Variants in CTSZ observed in about 807,000 individuals in gnomAD.
CTSZ encodes carboxypeptidase LB.
Under a neutral mutation model 32.4 loss-of-function variants are expected in CTSZ, and 39 were observed. That is an observed-to-expected ratio of 1.20 (90% CI 0.93 to 1.57). CTSZ has a LOEUF of 1.57. Among genes scored for constraint, CTSZ ranks in the 40% most tolerant of loss-of-function variants. The pLI is 0.00. For synonymous variants in CTSZ, 168 were observed against 170.1 expected (o/e 0.99, Z 0.10); for missense variants, 397 against 419.6 (o/e 0.95, Z 0.47).
intron 3 of CTSZ, among the ~76,000 whole-genome samples, chr20:58,998,857 C>A (rs2091874925): frequency 6.6e-6 from 1 of 152,236 alleles, no homozygotes; most frequent in Admixed American, 6.5e-5. Flanking sequence ...AGTTACACAT[C>A]TGTCGGGATT....
At chr20:58,996,535 C>G in intron 5 of CTSZ, 104 bp downstream of exon 5, 1 of 1,279,340 alleles carries the variant, frequency 7.8e-7, no homozygotes, top group Non-Finnish European at 1.1e-6. Context: ...AACCCTCTGT[C>G]AAGGCCCCAG....
chr20:58,997,496 C>T (rs1406823197), intron 4 of CTSZ, 107 bp downstream of exon 4: 1 of 1,165,506 alleles, frequency 8.6e-7, no homozygotes, highest in Non-Finnish European at 1.1e-6. Flanking sequence ...CATGAGCCCA[C>T]ACTGGCGCTG....
Position 59,001,650 on chromosome 20 carries a change from ACAGTCAG to A in CTSZ, c.308-13_308-7del. Reference sequence around the variant, plus strand: ...CCTCTTGATGTTGATCCGATCTGCAACAGTCAGCACCTGCCAGTCAGCACTCACCCAC... The same window carrying A: ...CCTCTTGATGTTGATCCGATCTGCAACACCTGCCAGTCAGCACTCACCCAC... On this transcript the variant is annotated splice_polypyrimidine_tract_variant and splice_region_variant and intron_variant, in intron 2 of 5. Coordinates refer to ENST00000217131, the MANE Select transcript of CTSZ (RefSeq NM_001336.4). 6.2e-7 allele frequency: 1 copy of A among 1,611,464 alleles called. No individual in the cohort carries two copies. The highest frequency in any genetic ancestry group is 1.1e-5 in the South Asian group (1 of 90,950).
At chr20:59,003,268 C>A (rs530943409) in intron 2 of CTSZ, among the ~76,000 whole-genome samples, 43 of 152,332 alleles carry the variant, frequency 2.8e-4, no homozygotes, top group African/African-American at 9.4e-4. Context: ...GATGGATGAG[C>A]AGTTTCGGTT....
rs958207721 is a variant in CTSZ, at chr20:59,002,290, C to T, written c.308-646G>A. 4.6e-5 allele frequency among the ~76,000 whole-genome samples: 7 copies of T among 152,120 alleles called. No individual in the cohort carries two copies. The highest frequency in any genetic ancestry group is 8.8e-5 in the Non-Finnish European group (6 of 67,976). ...GCCAGGGACAGCTCAGGGTGGTCAC[C>T]GAGGGACCTGCTTCCCTTCCCATGC... On this transcript the variant is annotated intron_variant, in intron 2 of 5. Transcript: ENST00000217131. The surrounding 1 kb of genome is among the most constrained non-coding windows in gnomAD (Gnocchi z 4.1).
In CTSZ at chr20:58,997,462, C is replaced by T. The variant is rs375260255; in HGVS notation, c.638+141G>A. The T allele has an allele frequency of 4.1e-5, 30 of 729,492 alleles. 1 individual carries two copies. Among genetic ancestry groups the T allele is most frequent in the African/African-American group, 2.7e-4 (15 of 54,680 alleles). The allele number at this position is 729,492 out of a possible 1,614,324, so 45.2% of individuals were successfully genotyped here. On this transcript the variant is annotated intron_variant, in intron 4 of 5. Transcript: ENST00000217131. ...CGGCCAGAAGGAAAGTGGCGAAGGACGGAGATGCCTACATGAGCACCGACA... is the reference window on the plus strand; with the variant it reads ...CGGCCAGAAGGAAAGTGGCGAAGGATGGAGATGCCTACATGAGCACCGACA...
intron 3 of CTSZ, 40 bp from the exon 4 acceptor site, chr20:58,997,793 T>C (rs1367293607): frequency 7.8e-6 from 12 of 1,533,886 alleles, no homozygotes; most frequent in Non-Finnish European, 1.1e-5. Flanking sequence ...GGCCGTCTCC[T>C]CATCAACCCA....
intron 5 of CTSZ, 132 bp downstream of exon 5, chr20:58,996,507 G>T: frequency 1.0e-6 from 1 of 957,710 alleles, no homozygotes; most frequent in East Asian, 2.4e-5. Flanking sequence ...CGCGGTGGCT[G>T]AGACAGCTGG....
In CTSZ at chr20:59,000,081, C is replaced by G. The variant is rs28641769; in HGVS notation, c.487+1384G>C. 9.9e-5 allele frequency among the ~76,000 whole-genome samples: 2 copies of G among 20,168 alleles called. 1 individual carries two copies. Among genetic ancestry groups the G allele is most frequent in the Admixed American group, 8.4e-4 (2 of 2,386 alleles). The allele number at this position is 20,168 out of a possible 152,430, so 13.2% of individuals were successfully genotyped here. Reference sequence around the variant, plus strand: ...GAGACTCCGTCTCAAAAAAAAAAAACAAACTACCAGTTATGGCCGGGCGCA... The same window carrying G: ...GAGACTCCGTCTCAAAAAAAAAAAAGAAACTACCAGTTATGGCCGGGCGCA... On this transcript the variant is annotated intron_variant, in intron 3 of 5. Coordinates refer to ENST00000217131, the MANE Select transcript of CTSZ (RefSeq NM_001336.4).
At chr20:59,001,358 A>T in intron 3 of CTSZ, 107 bp downstream of exon 3, 1 of 1,306,348 alleles carries the variant, frequency 7.7e-7, no homozygotes, top group Non-Finnish European at 1.0e-6. Flanking sequence ...CCCAGCCACC[A>T]GCCAATGTGA....
rs139184601 is a variant in CTSZ at position 59,003,736 on chromosome 20, G to A, written c.308-2092C>T. Among the ~76,000 whole-genome samples, 559 of 152,282 alleles carry A rather than the reference G, an allele frequency of 3.7e-3. 2 individuals carry two copies. Among genetic ancestry groups the A allele is most frequent in the African/African-American group, 0.013 (521 of 41,562 alleles). Reference sequence around the variant, plus strand: ...GCCATGGGACCTCAGGGAGAGAGGAGGTGCCTGGTGGGAGAAGCTACCTCC... The same window carrying A: ...GCCATGGGACCTCAGGGAGAGAGGAAGTGCCTGGTGGGAGAAGCTACCTCC... On this transcript the variant is annotated intron_variant, in intron 2 of 5. Transcript: ENST00000217131.
At chr20:59,005,595 A>G (rs1231220557) in intron 2 of CTSZ, among the ~76,000 whole-genome samples, 2 of 152,156 alleles carry the variant, frequency 1.3e-5, no homozygotes, top group African/African-American at 4.8e-5. Context: ...CAACAGCACC[A>G]CAGTGCTCAT....
intron 2 of CTSZ, among the ~76,000 whole-genome samples, chr20:59,003,290 G>A (rs927109437): frequency 2.0e-5 from 3 of 152,160 alleles, no homozygotes; most frequent in South Asian, 2.1e-4. Flanking sequence ...TGGCCTCTCC[G>A]TCTACTCCTG....
In CTSZ at chr20:59,004,220, T is replaced by G. The variant is rs1230215567; in HGVS notation, c.307+2102A>C. 6.6e-6 allele frequency among the ~76,000 whole-genome samples: 1 copy of G among 151,508 alleles called. No homozygotes were observed. Among genetic ancestry groups the G allele is most frequent in the African/African-American group, 2.4e-5 (1 of 41,178 alleles). On this transcript the variant is annotated intron_variant, in intron 2 of 5. Coordinates refer to ENST00000217131, the MANE Select transcript of CTSZ (RefSeq NM_001336.4). This position sits in a 1 kb window ranked among gnomAD's most constrained non-coding sequence, Gnocchi z 5.6. Reference sequence around the variant, plus strand: ...ACCTGAAGGTCTGAGGCTGGAGGTGTCAGGTGACCGGGACAGCGGGCGAGT... The same window carrying G: ...ACCTGAAGGTCTGAGGCTGGAGGTGGCAGGTGACCGGGACAGCGGGCGAGT...
At chr20:59,006,727 C>A (rs538530518) in intron 1 of CTSZ, among the ~76,000 whole-genome samples, 1 of 152,330 alleles carries the variant, frequency 6.6e-6, no homozygotes, top group Non-Finnish European at 1.5e-5. Flanking sequence ...CCCAGCCATG[C>A]CGCGCCGTAA....
At position 58,995,506 on chromosome 20, in the gene CTSZ, A is replaced by T; in HGVS notation, c.*143T>A. On this transcript the variant is annotated 3_prime_UTR_variant, in exon 6 of 6. Coordinates refer to ENST00000217131, the MANE Select transcript of CTSZ (RefSeq NM_001336.4). ...ACTTTCAACTCTCAGGAACACTCGC[A>T]GCCAGTGCCACGCTGTCCTCGCCAT... 1 of 664,650 alleles carries T rather than the reference A, an allele frequency of 1.5e-6. No homozygotes were observed. Among genetic ancestry groups the T allele is most frequent in the South Asian group, 1.9e-5 (1 of 52,180 alleles). The allele number at this position is 664,650 out of a possible 1,614,324, so 41.2% of individuals were successfully genotyped here. A position where few individuals can be genotyped will look rare whatever the true frequency, so the allele number is the denominator to read the frequency against.
Position 59,002,704 on chromosome 20 carries a change from C to A in CTSZ, c.308-1060G>T, listed in dbSNP as rs184308745. 2.6e-5 allele frequency among the ~76,000 whole-genome samples: 4 copies of A among 152,250 alleles called. No individual in the cohort carries two copies. The highest frequency in any genetic ancestry group is 2.6e-4 in the Admixed American group (4 of 15,312). On this transcript the variant is annotated intron_variant, in intron 2 of 5. Transcript: ENST00000217131. This position sits in a 1 kb window ranked among gnomAD's most constrained non-coding sequence, Gnocchi z 4.1. ...CATCACTGAAAAGTCCCAAAGCAGA[C>A]CTCCATCCTGCCGCCACCCAGCCTG...
intron 2 of CTSZ, 114 bp from the exon 3 acceptor site, chr20:59,001,758 G>T: frequency 1.0e-6 from 1 of 1,000,914 alleles, no homozygotes; most frequent in Non-Finnish European, 1.5e-6. Context: ...CCTGCCTTCA[G>T]CTCTGCCCAG....
intron 2 of CTSZ, among the ~76,000 whole-genome samples, chr20:59,003,683 G>A (rs1006379343): frequency 2.6e-5 from 4 of 152,180 alleles, no homozygotes; most frequent in African/African-American, 9.6e-5. Context: ...ACCCCGCTGA[G>A]GTGACATCCA....
Sources: gnomAD v4.1 joint callset for allele counts (sites outside exome capture counted in the v4.1 genomes callset) on GRCh38, gnomAD v4.1.1 for gene constraint, Gnocchi (gnomAD v3.1) non-coding constraint, MANE v1.5 for transcripts, NCBI Gene and HGNC (gene_info 2026-07-23, HGNC 2026-07-21) for gene names.